The following CNTNAP5 variants were observed in gnomAD, a reference collection of about 807,000 sequenced individuals.
The protein encoded by CNTNAP5 is contactin associated protein family member 5.
A neutral mutation model predicts 150.2 loss-of-function variants in CNTNAP5; 72 were observed. That is an observed-to-expected ratio of 0.48 (90% CI 0.40 to 0.58). The LOEUF is 0.58. Among genes scored for constraint, CNTNAP5 ranks in the 20% least tolerant of loss-of-function variants. The pLI, the probability that CNTNAP5 is intolerant of heterozygous loss-of-function variation, is 0.00. For missense variants in CNTNAP5, 1,636 were observed against 1,626.2 expected, an observed-to-expected ratio of 1.01 and a Z score of -0.10; for synonymous variants, 672 against 619.8, an observed-to-expected ratio of 1.08 and a Z score of -1.25.
At chr2:124,489,749 A>G (rs144622891) in intron 7 of CNTNAP5, among the ~76,000 whole-genome samples, 2 of 152,208 alleles carry the variant, frequency 1.3e-5, no homozygotes, top group African/African-American at 4.8e-5. Flanking sequence ...CCATTCTGAG[A>G]GTCCCAATAG....
chr2:124,533,409 T>C (rs1695157552), intron 10 of CNTNAP5, among the ~76,000 whole-genome samples: 1 of 152,142 alleles, frequency 6.6e-6, no homozygotes. Flanking sequence ...GAAATTCGTG[T>C]GTGATGCTGC....
At chr2:124,508,454 T>C (rs1694465328) in intron 8 of CNTNAP5, among the ~76,000 whole-genome samples, 1 of 152,204 alleles carries the variant, frequency 6.6e-6, no homozygotes, top group Non-Finnish European at 1.5e-5. Context: ...CAGAGACTTG[T>C]AGGCCTCAGG....
chr2:124,800,070 G>A (rs1170580063), intron 19 of CNTNAP5, among the ~76,000 whole-genome samples: 3 of 152,202 alleles, frequency 2.0e-5, no homozygotes, highest in Non-Finnish European at 2.9e-5. Flanking sequence ...AGGACACTGA[G>A]GCATGGAGAA....
intron 19 of CNTNAP5, among the ~76,000 whole-genome samples, chr2:124,803,181 T>G (rs1041105348): frequency 6.6e-6 from 1 of 151,530 alleles, no homozygotes; most frequent in African/African-American, 2.4e-5. Flanking sequence ...TCATCGATGC[T>G]AGGTAGAAGT....
chr2:124,293,053 T>A (rs1558837074), intron 3 of CNTNAP5, among the ~76,000 whole-genome samples: 1 of 152,118 alleles, frequency 6.6e-6, no homozygotes, highest in Non-Finnish European at 1.5e-5. Context: ...TTAAAAATAA[T>A]TTTATTGGTG....
At chr2:124,148,526 A>G (rs553528586) in intron 1 of CNTNAP5, among the ~76,000 whole-genome samples, 1 of 146,828 alleles carries the variant, frequency 6.8e-6, no homozygotes, top group Non-Finnish European at 1.5e-5. Flanking sequence ...TAATATATAC[A>G]TATTATATAT....
chr2:124,883,969 T>C (rs374173593), intron 21 of CNTNAP5, among the ~76,000 whole-genome samples: 14 of 152,220 alleles, frequency 9.2e-5, no homozygotes, highest in African/African-American at 3.4e-4. Flanking sequence ...TATGTTTCTT[T>C]CTGTATAGTG....
chr2:124,510,829 G>C (rs1369865140), intron 8 of CNTNAP5, among the ~76,000 whole-genome samples: 1 of 152,168 alleles, frequency 6.6e-6, no homozygotes, highest in African/African-American at 2.4e-5. Flanking sequence ...CTAGAGCAGA[G>C]AACACCTTCT....
intron 10 of CNTNAP5, among the ~76,000 whole-genome samples, chr2:124,548,598 C>T (rs967469576): frequency 2.0e-5 from 3 of 151,622 alleles, no homozygotes; most frequent in Non-Finnish European, 4.4e-5. Context: ...TAGCAATGTG[C>T]AAACCAAATC....
chr2:124,349,061 T>C (rs1689808301), intron 3 of CNTNAP5, among the ~76,000 whole-genome samples: 1 of 152,242 alleles, frequency 6.6e-6, no homozygotes, highest in African/African-American at 2.4e-5. Context: ...TGTGTAGAAG[T>C]GTTGCTTTGA....
At chr2:124,746,375 C>T (rs570936724) in intron 13 of CNTNAP5, among the ~76,000 whole-genome samples, 2 of 152,128 alleles carry the variant, frequency 1.3e-5, no homozygotes, top group Admixed American at 6.5e-5. Context: ...AAGGACAAGA[C>T]TCAAAAATGG....
intron 19 of CNTNAP5, among the ~76,000 whole-genome samples, chr2:124,803,632 CT>C (rs1320517284): frequency 6.6e-6 from 1 of 152,140 alleles, no homozygotes; most frequent in Admixed American, 6.5e-5. Context: ...TTTTATCAAT[CT>C]TTTTTTAAGC....
chr2:124,327,884 C>A (rs1237446330), intron 3 of CNTNAP5, among the ~76,000 whole-genome samples: 3 of 152,112 alleles, frequency 2.0e-5, no homozygotes, highest in Admixed American at 1.3e-4. Context: ...AAGGACCTAT[C>A]CTTAACCTTG....
At chr2:124,389,792 C>T (rs1274678811) in intron 3 of CNTNAP5, among the ~76,000 whole-genome samples, 2 of 152,040 alleles carry the variant, frequency 1.3e-5, no homozygotes, top group Admixed American at 6.6e-5. Flanking sequence ...TAGCAAGACC[C>T]TGTCTCTACA....
At chr2:124,699,697 C>G (rs548034145) in intron 13 of CNTNAP5, among the ~76,000 whole-genome samples, 1 of 152,250 alleles carries the variant, frequency 6.6e-6, no homozygotes, top group Admixed American at 6.5e-5. Context: ...GTGGTCAAGA[C>G]AAAGAGGCAT....
At chr2:124,090,726 A>T (rs1293478249) in intron 1 of CNTNAP5, among the ~76,000 whole-genome samples, 1 of 152,242 alleles carries the variant, frequency 6.6e-6, no homozygotes, top group Non-Finnish European at 1.5e-5. Flanking sequence ...CCATTGTATT[A>T]GCCATGATAC....
At chr2:124,028,026 A>G (rs893935402) in intron 1 of CNTNAP5, among the ~76,000 whole-genome samples, 1 of 152,168 alleles carries the variant, frequency 6.6e-6, no homozygotes, top group Non-Finnish European at 1.5e-5. Context: ...ATCAATTAAT[A>G]TTTGTATACA....
intron 19 of CNTNAP5, among the ~76,000 whole-genome samples, chr2:124,826,408 G>A (rs1204978978): frequency 6.6e-6 from 1 of 152,064 alleles, no homozygotes; most frequent in Non-Finnish European, 1.5e-5. Flanking sequence ...GGGATGAGTG[G>A]GAGGTAAAGA....
intron 3 of CNTNAP5, among the ~76,000 whole-genome samples, chr2:124,336,438 T>C (rs1044511055): frequency 6.6e-6 from 1 of 151,940 alleles, no homozygotes; most frequent in Non-Finnish European, 1.5e-5. Context: ...GTTTGTTACA[T>C]ATATATACAT....
Sources: gnomAD v4.1 joint callset for allele counts (sites outside exome capture counted in the v4.1 genomes callset) on GRCh38, gnomAD v4.1.1 for gene constraint, MANE v1.5 for transcripts, NCBI Gene and HGNC (gene_info 2026-07-23, HGNC 2026-07-21) for gene names.